The following SLC14A2 variants were observed in gnomAD, a reference collection of about 807,000 sequenced individuals.
SLC14A2 encodes urea transporter 2.
SLC14A2 carries 91 observed loss-of-function variants against 104.6 expected under a neutral mutation model. That is an observed-to-expected ratio of 0.87 (90% CI 0.73 to 1.04). The LOEUF (loss-of-function observed/expected upper bound fraction) is 1.04. Among genes scored for constraint, SLC14A2 ranks in the 50% least tolerant of loss-of-function variants. The pLI, the probability that SLC14A2 is intolerant of heterozygous loss-of-function variation, is 0.00. For synonymous variants in SLC14A2, 476 were observed against 466.4 expected (o/e 1.02, Z -0.27); for missense variants, 1,189 against 1,156.0 (o/e 1.03, Z -0.41).
At chr18:45,252,678 C>T (rs891489919) in intron 1 of SLC14A2, among the ~76,000 whole-genome samples, 19 of 151,950 alleles carry the variant, frequency 1.3e-4, no homozygotes, top group African/African-American at 4.6e-4. Flanking sequence ...CAATGATGTT[C>T]AAACTTGAGA....
chr18:45,443,923 C>T (rs772727250), intron 1 of SLC14A2, among the ~76,000 whole-genome samples: 3 of 152,082 alleles, frequency 2.0e-5, no homozygotes, highest in Non-Finnish European at 4.4e-5. Context: ...GTAGTCTTTT[C>T]CATAATCCAG....
At chr18:45,444,442 G>A (rs1307052206) in intron 1 of SLC14A2, among the ~76,000 whole-genome samples, 5 of 152,184 alleles carry the variant, frequency 3.3e-5, no homozygotes, top group African/African-American at 7.2e-5. Flanking sequence ...TGTCATGAAG[G>A]ATAATGCTAT....
At chr18:45,190,686 C>A in the SLC14A2 span, among the ~76,000 whole-genome samples, 19 of 152,180 alleles carry the variant, frequency 1.2e-4, no homozygotes, top group African/African-American at 4.6e-4. Context: ...TCCCATGACA[C>A]GAAGTCTACC....
chr18:45,244,567 A>G (rs1012872982), intron 1 of SLC14A2, among the ~76,000 whole-genome samples: 1 of 152,042 alleles, frequency 6.6e-6, no homozygotes, highest in Non-Finnish European at 1.5e-5. Context: ...CAGAGGTTGC[A>G]ATGAGCTGAG....
intron 1 of SLC14A2, among the ~76,000 whole-genome samples, chr18:45,622,580 T>C (rs901447422): frequency 6.6e-6 from 1 of 152,074 alleles, no homozygotes; most frequent in Admixed American, 6.5e-5. Context: ...TGACGTCACC[T>C]GGGTAGGAGC....
intron 2 of SLC14A2, chr18:45,507,193 G>A (rs1181910876): frequency 6.6e-6 from 1 of 152,318 alleles, no homozygotes; most frequent in African/African-American, 2.4e-5. Context: ...CAGACCCTAG[G>A]AGGGGAGGGT....
chr18:45,624,163 A>G (rs535529203), intron 1 of SLC14A2, among the ~76,000 whole-genome samples: 47 of 152,092 alleles, frequency 3.1e-4, no homozygotes, highest in African/African-American at 1.1e-3. Context: ...GGTAGAGGGA[A>G]GAGAAGGAAG....
intron 2 of SLC14A2, among the ~76,000 whole-genome samples, chr18:45,604,146 G>A (rs1431991168): frequency 1.3e-5 from 2 of 152,080 alleles, no homozygotes; most frequent in Non-Finnish European, 2.9e-5. Context: ...GTGCCATTTT[G>A]TCAATCCCCG....
At chr18:45,657,103 G>C (rs1239001622) in intron 10 of SLC14A2, among the ~76,000 whole-genome samples, 1 of 152,188 alleles carries the variant, frequency 6.6e-6, no homozygotes, top group African/African-American at 2.4e-5. Context: ...AGGAAAGGGA[G>C]CCATGGTTTA....
chr18:45,391,316 A>G (rs1598747852), intron 1 of SLC14A2, among the ~76,000 whole-genome samples: 1 of 152,188 alleles, frequency 6.6e-6, no homozygotes. Context: ...TTCTTAATCC[A>G]GTCTATCATT....
At chr18:45,266,870 C>G (rs1363925513) in intron 1 of SLC14A2, among the ~76,000 whole-genome samples, 1 of 152,122 alleles carries the variant, frequency 6.6e-6, no homozygotes, top group African/African-American at 2.4e-5. Context: ...CAAACAACTA[C>G]CAGCCTAACA....
chr18:45,431,006 G>A (rs938656868), intron 1 of SLC14A2, among the ~76,000 whole-genome samples: 3 of 152,202 alleles, frequency 2.0e-5, no homozygotes, highest in Non-Finnish European at 4.4e-5. Context: ...GTGCAAAGAT[G>A]AAGTTCAGGA....
chr18:45,223,434 A>G (rs1303190661), intron 1 of SLC14A2, among the ~76,000 whole-genome samples: 1 of 152,184 alleles, frequency 6.6e-6, no homozygotes, highest in Non-Finnish European at 1.5e-5. Context: ...AAGGGAAAAA[A>G]ATTTATTACT....
At chr18:45,365,052 G>A (rs973898134) in intron 1 of SLC14A2, among the ~76,000 whole-genome samples, 2 of 152,142 alleles carry the variant, frequency 1.3e-5, no homozygotes, top group Non-Finnish European at 2.9e-5. Flanking sequence ...CTCTCTGATT[G>A]AAAGAGAATA....
chr18:45,300,169 G>C (rs1008374659), intron 1 of SLC14A2, among the ~76,000 whole-genome samples: 3 of 152,136 alleles, frequency 2.0e-5, no homozygotes, highest in African/African-American at 7.2e-5. Context: ...GCCTCACTCT[G>C]TTCTTCATCA....
At chr18:45,658,996 C>A (rs1462071083) in intron 10 of SLC14A2, among the ~76,000 whole-genome samples, 1 of 152,146 alleles carries the variant, frequency 6.6e-6, no homozygotes, top group Non-Finnish European at 1.5e-5. Flanking sequence ...AGGGACCGTG[C>A]CCCTGAAATG....
chr18:45,331,372 T>G (rs924646223), intron 1 of SLC14A2, among the ~76,000 whole-genome samples: 2 of 152,214 alleles, frequency 1.3e-5, no homozygotes, highest in Non-Finnish European at 2.9e-5. Flanking sequence ...AACCCTCTCT[T>G]TTTTAGTTTT....
chr18:45,659,556 T>A (rs537166954), intron 10 of SLC14A2, among the ~76,000 whole-genome samples: 1 of 152,356 alleles, frequency 6.6e-6, no homozygotes, highest in South Asian at 2.1e-4. Flanking sequence ...AGAGCTCCTG[T>A]GTTTCTTGTT....
At chr18:45,481,526 A>C (rs1598890817) in intron 1 of SLC14A2, among the ~76,000 whole-genome samples, 1 of 152,334 alleles carries the variant, frequency 6.6e-6, no homozygotes, top group South Asian at 2.1e-4. Context: ...AGCATTCATT[A>C]AAATATTTAC....
Sources: allele counts gnomAD v4.1 joint callset (sites outside exome capture counted in the v4.1 genomes callset), GRCh38; gene constraint gnomAD v4.1.1; transcripts MANE v1.5; gene names NCBI Gene and HGNC (gene_info 2026-07-23, HGNC 2026-07-21).